Variants in NDUFS4 observed in about 807,000 individuals in gnomAD.
The protein encoded by NDUFS4 is NADH dehydrogenase [ubiquinone] iron-sulfur protein 4, mitochondrial.
NDUFS4 carries 28 observed loss-of-function variants against 24.3 expected under a neutral mutation model. The observed-to-expected ratio is 1.15, with a 90% CI of 0.85 to 1.58. The LOEUF (loss-of-function observed/expected upper bound fraction) is 1.58, where lower values mean the gene tolerates loss of function less well. Ranked by LOEUF, NDUFS4 falls within the 40% of genes most tolerant of loss-of-function variation. The pLI, the probability that NDUFS4 is intolerant of heterozygous loss-of-function variation, is 0.00. For synonymous variants in NDUFS4, 93 were observed against 69.7 expected (o/e 1.34, Z -1.67); for missense variants, 223 against 207.9 (o/e 1.07, Z -0.45).
chr5:53,606,200 CA>C, intron 2 of NDUFS4, among the ~76,000 whole-genome samples: 1 of 152,048 alleles, frequency 6.6e-6, no homozygotes, highest in East Asian at 1.9e-4. Context: ...CAAAACAAAA[CA>C]AAACCTGAGA....
At chr5:53,635,495 G>C (rs1475172420) in intron 2 of NDUFS4, among the ~76,000 whole-genome samples, 1 of 152,068 alleles carries the variant, frequency 6.6e-6, no homozygotes, top group East Asian at 1.9e-4. Context: ...ACCCTAACCT[G>C]GGTGATGGAG....
In NDUFS4 at chr5:53,683,256, T is replaced by G; in HGVS notation, c.*35T>G. ...GACTATATCTCTGCTTGACTGTGAA[T>G]AAAGTCAGCTGTGCAGTATTTATAG... is the stretch of plus-strand genomic sequence containing the variant. On this transcript the variant is annotated 3_prime_UTR_variant, in exon 5 of 5. Transcript: ENST00000296684. 1 of 1,401,244 alleles carries G rather than the reference T, an allele frequency of 7.1e-7. No homozygotes were observed. Among genetic ancestry groups the G allele is most frequent in the Non-Finnish European group, 1.0e-6 (1 of 986,376 alleles). 86.8% of individuals were successfully genotyped at this position (1,401,244 alleles called of 1,614,324 possible).
intron 1 of NDUFS4, among the ~76,000 whole-genome samples, chr5:53,585,204 A>G (rs1271630414): frequency 6.6e-6 from 1 of 152,198 alleles, no homozygotes; most frequent in Non-Finnish European, 1.5e-5. Flanking sequence ...CAAATTGCCT[A>G]TATAATTCTG....
intron 2 of NDUFS4, among the ~76,000 whole-genome samples, chr5:53,642,588 G>T (rs1449024978): frequency 6.6e-6 from 1 of 151,898 alleles, no homozygotes; most frequent in Non-Finnish European, 1.5e-5. Flanking sequence ...CCCATTGCTT[G>T]TTCCCTGCTT....
chr5:53,643,351 A>G (rs1234852671), intron 2 of NDUFS4, among the ~76,000 whole-genome samples: 1 of 152,162 alleles, frequency 6.6e-6, no homozygotes, highest in Non-Finnish European at 1.5e-5. Flanking sequence ...ATATTGCCAT[A>G]CAAAAGTAGA....
intron 1 of NDUFS4, 148 bp downstream of exon 1, chr5:53,560,908 C>T (rs1748817897): frequency 2.0e-6 from 3 of 1,523,708 alleles, no homozygotes; most frequent in Admixed American, 2.0e-5. Context: ...TAGGGACTGT[C>T]TGCTATCAAT....
At chr5:53,568,426 TA>T (rs1408412461) in intron 1 of NDUFS4, among the ~76,000 whole-genome samples, 2 of 152,254 alleles carry the variant, frequency 1.3e-5, no homozygotes, top group Admixed American at 1.3e-4. Flanking sequence ...ACTTAGGAAA[TA>T]TATTTTTCCT....
At chr5:53,618,956 TAC>T (rs1226153635) in intron 2 of NDUFS4, among the ~76,000 whole-genome samples, 5 of 149,286 alleles carry the variant, frequency 3.3e-5, no homozygotes, top group Non-Finnish European at 7.4e-5. Context: ...CCTACTAAAA[TAC>T]AAAACATTAG....
At chr5:53,600,145 A>T (rs182274064) in intron 1 of NDUFS4, among the ~76,000 whole-genome samples, 1 of 151,900 alleles carries the variant, frequency 6.6e-6, no homozygotes, top group African/African-American at 2.4e-5. Flanking sequence ...GGTTACAGGC[A>T]TGCACCACCA....
At chr5:53,680,722 C>T (rs1276015546) in intron 4 of NDUFS4, among the ~76,000 whole-genome samples, 1 of 152,118 alleles carries the variant, frequency 6.6e-6, no homozygotes, top group Non-Finnish European at 1.5e-5. Context: ...GGAGGGATAG[C>T]TTTAGGAGAT....
At chr5:53,673,587 ATTCTCT>A (rs1353971026) in intron 4 of NDUFS4, among the ~76,000 whole-genome samples, 10 of 152,216 alleles carry the variant, frequency 6.6e-5, no homozygotes, top group African/African-American at 2.4e-4. Flanking sequence ...ATGATAAGAC[ATTCTCT>A]TTCTCTTTCT....
At position 53,631,329 on chromosome 5, in the gene NDUFS4, G is replaced by A. The variant is rs529125838; in HGVS notation, c.178-14904G>A. The stretch of plus-strand genomic sequence containing the variant: ...TATGAGGTGTCTGTCGGCCCCTACT[G>A]GGAGGCGTCTCCTGGTCAGGCTACA... On this transcript the variant is annotated intron_variant, in intron 2 of 4. Transcript: ENST00000296684. 2.6e-4 allele frequency among the ~76,000 whole-genome samples: 39 copies of A among 152,300 alleles called. No homozygotes were observed. The South Asian group carries it at 7.9e-3, about 31-fold the overall frequency.
chr5:53,564,083 C>G (rs1748944699), intron 1 of NDUFS4, among the ~76,000 whole-genome samples: 1 of 152,114 alleles, frequency 6.6e-6, no homozygotes, highest in African/African-American at 2.4e-5. Context: ...CTGGTGGGGA[C>G]TGAGTGTTTG....
chr5:53,561,472 ATTGAG>A (rs762288762), intron 1 of NDUFS4, among the ~76,000 whole-genome samples: 3 of 150,986 alleles, frequency 2.0e-5, no homozygotes, highest in Non-Finnish European at 2.9e-5. Flanking sequence ...TTGTCAGTTG[ATTGAG>A]TTGTTACTGT....
chr5:53,617,748 C>G (rs1750890296), intron 2 of NDUFS4, among the ~76,000 whole-genome samples: 2 of 152,070 alleles, frequency 1.3e-5, no homozygotes, highest in Non-Finnish European at 1.5e-5. Flanking sequence ...CATTTAATAA[C>G]TGAAAAATGG....
intron 2 of NDUFS4, among the ~76,000 whole-genome samples, chr5:53,626,837 G>C (rs1171560865): frequency 6.6e-6 from 1 of 152,114 alleles, no homozygotes; most frequent in Non-Finnish European, 1.5e-5. Flanking sequence ...TAGGTTGCCT[G>C]TTCACTCTGA....
At chr5:53,665,814 G>A (rs985737340) in intron 4 of NDUFS4, among the ~76,000 whole-genome samples, 5 of 152,148 alleles carry the variant, frequency 3.3e-5, no homozygotes, top group African/African-American at 1.2e-4. Flanking sequence ...CTCACACTCG[G>A]TGTGCTCCAC....
intron 2 of NDUFS4, among the ~76,000 whole-genome samples, chr5:53,628,882 A>T (rs182853483): frequency 6.6e-6 from 1 of 151,820 alleles, no homozygotes; most frequent in Admixed American, 6.6e-5. Flanking sequence ...GTTTCCTTCA[A>T]TCCTGCTCTG....
At chr5:53,656,786 C>T (rs1393213479) in intron 3 of NDUFS4, among the ~76,000 whole-genome samples, 1 of 152,052 alleles carries the variant, frequency 6.6e-6, no homozygotes, top group Non-Finnish European at 1.5e-5. Context: ...TTTAGGAAGA[C>T]ATCTTGGTGA....
Sources: allele counts gnomAD v4.1 joint callset (sites outside exome capture counted in the v4.1 genomes callset), GRCh38; gene constraint gnomAD v4.1.1; transcripts MANE v1.5; gene names NCBI Gene and HGNC (gene_info 2026-07-23, HGNC 2026-07-21).